TMPRSS11D: variants seen among roughly 807,000 people sequenced by gnomAD.
TMPRSS11D encodes transmembrane protease serine 11D.
Under a neutral mutation model 44.4 loss-of-function variants are expected in TMPRSS11D, and 32 were observed. The observed-to-expected ratio is 0.72, with a 90% CI of 0.54 to 0.97. The LOEUF (loss-of-function observed/expected upper bound fraction) is 0.97. Among genes scored for constraint, TMPRSS11D ranks in the 50% least tolerant of loss-of-function variants. The pLI is 0.00. For synonymous variants in TMPRSS11D, 179 were observed against 177.9 expected, an observed-to-expected ratio of 1.01 and a Z score of -0.05; for missense variants, 446 against 502.6, an observed-to-expected ratio of 0.89 and a Z score of 1.08.
intron 1 of TMPRSS11D, among the ~76,000 whole-genome samples, chr4:67,875,533 G>A (rs183322624): frequency 2.0e-5 from 3 of 152,272 alleles, no homozygotes; most frequent in East Asian, 3.9e-4. Context: ...CTGTCTGCTC[G>A]TATATTTATT....
chr4:67,853,103 G>C (rs1244763541), intron 3 of TMPRSS11D, among the ~76,000 whole-genome samples: 1 of 152,168 alleles, frequency 6.6e-6, no homozygotes, highest in Non-Finnish European at 1.5e-5. Flanking sequence ...CCAAAGCATA[G>C]ACATGAGAAG....
At chr4:67,870,895 T>TAA (rs1719046650) in intron 1 of TMPRSS11D, among the ~76,000 whole-genome samples, 1 of 152,164 alleles carries the variant, frequency 6.6e-6, no homozygotes, top group Non-Finnish European at 1.5e-5. Context: ...CTTATAACTT[T>TAA]CTAATATACC....
chr4:67,868,792 C>T (rs1159502590), intron 1 of TMPRSS11D, among the ~76,000 whole-genome samples: 1 of 152,088 alleles, frequency 6.6e-6, no homozygotes, highest in Non-Finnish European at 1.5e-5. Flanking sequence ...TCTGGTGGCC[C>T]AGTTGGGCTG....
In TMPRSS11D at chr4:67,827,346, A is replaced by G. The variant is rs1316059915; in HGVS notation, c.867T>C (p.His289=). 1 of 1,613,356 alleles carries G rather than the reference A, an allele frequency of 6.2e-7. No homozygotes were observed. Among genetic ancestry groups the G allele is most frequent in the South Asian group, 1.1e-5 (1 of 91,066 alleles). The stretch of plus-strand genomic sequence containing the variant: ...GGGTAGCAGCTGGGAGACACACACT[A>G]TGGATATCTTTGGTAAAGGTGACAC... ...ENSVTFTKDI[H]SVCLPAATQN... The change falls in exon 8 of 10, where the codon CAT becomes CAC. Residue 289 remains histidine, a synonymous_variant. Coordinates refer to ENST00000283916, the MANE Select transcript of TMPRSS11D (RefSeq NM_004262.3).
chr4:67,841,503 A>T (rs1184364214), intron 4 of TMPRSS11D, among the ~76,000 whole-genome samples: 3 of 152,148 alleles, frequency 2.0e-5, no homozygotes, highest in African/African-American at 7.2e-5. Context: ...TGTTATCTGG[A>T]TGTCATTGTT....
At chr4:67,858,176 C>T (rs547215345) in intron 2 of TMPRSS11D, among the ~76,000 whole-genome samples, 4 of 152,090 alleles carry the variant, frequency 2.6e-5, no homozygotes, top group Non-Finnish European at 5.9e-5. Context: ...TTTGATCGTT[C>T]ATATGCATTA....
intron 1 of TMPRSS11D, among the ~76,000 whole-genome samples, chr4:67,882,353 AT>A (rs1719340038): frequency 6.6e-6 from 1 of 152,196 alleles, no homozygotes; most frequent in African/African-American, 2.4e-5. Context: ...TTAGTAGTAG[AT>A]ACAGGCTATT....
intron 1 of TMPRSS11D, among the ~76,000 whole-genome samples, chr4:67,868,095 A>AATATATATATATATAT (rs923681603): frequency 0.02 from 2,972 of 150,726 alleles, 99 homozygotes; most frequent in African/African-American, 0.068. Context: ...TAGATAGAGA[A>AATATATATATATATAT]ATATATATAT....
intron 5 of TMPRSS11D, 141 bp from the exon 6 acceptor site, chr4:67,835,262 C>T: frequency 1.5e-6 from 1 of 681,122 alleles, no homozygotes; most frequent in Admixed American, 2.7e-5. Flanking sequence ...AATGCAGATT[C>T]CTAGGCTTCC....
chr4:67,825,896 A>G (rs1421786435), intron 8 of TMPRSS11D, 22 bp from the exon 9 acceptor site: 2 of 1,598,800 alleles, frequency 1.3e-6, no homozygotes, highest in Admixed American at 3.4e-5. Context: ...AAAAGCAGGA[A>G]AAAAATGGAC....
intron 9 of TMPRSS11D, among the ~76,000 whole-genome samples, chr4:67,822,948 A>T (rs1717688884): frequency 6.6e-6 from 1 of 151,970 alleles, no homozygotes; most frequent in Non-Finnish European, 1.5e-5. Flanking sequence ...ACTTAATCCC[A>T]CTGGTCAGTT....
intron 1 of TMPRSS11D, among the ~76,000 whole-genome samples, chr4:67,865,246 A>AC (rs1194246153): frequency 6.6e-6 from 1 of 151,788 alleles, no homozygotes; most frequent in Non-Finnish European, 1.5e-5. Context: ...TGAAAAAAAA[A>AC]CCCAACATGC....
chr4:67,846,319 T>C (rs1198408466), intron 3 of TMPRSS11D, among the ~76,000 whole-genome samples: 1 of 152,072 alleles, frequency 6.6e-6, no homozygotes, highest in Non-Finnish European at 1.5e-5. Flanking sequence ...CATTATAATA[T>C]ATTTATGAAA....
Position 67,829,481 on chromosome 4 carries a change from AG to A in TMPRSS11D, c.693-1962del, listed in dbSNP as rs1322721315. On this transcript the variant is annotated intron_variant, in intron 7 of 9. Transcript: ENST00000283916. ...AAAAAGGACATTACCTTTATGACCT[AG>A]GAATGGGGACTTTTTGGCTAAACAA... is the stretch of plus-strand genomic sequence containing the variant. Among the ~76,000 whole-genome samples, 10 of 151,694 alleles carry A rather than the reference AG, an allele frequency of 6.6e-5. No homozygotes were observed. The East Asian group carries it at 1.9e-3, about 29-fold the overall frequency.
At chr4:67,842,689 C>T in intron 3 of TMPRSS11D, 64 bp from the exon 4 acceptor site, 1 of 1,429,978 alleles carries the variant, frequency 7.0e-7, no homozygotes, top group South Asian at 1.2e-5. Flanking sequence ...TTCCTCTCAA[C>T]CTTGCAACAT....
At chr4:67,860,258 G>C (rs1420486612) in intron 1 of TMPRSS11D, 1 of 152,422 alleles carries the variant, frequency 6.6e-6, no homozygotes, top group East Asian at 1.9e-4. Context: ...AAATGAAACA[G>C]AACTGCTCCA....
In TMPRSS11D at chr4:67,883,621, C is replaced by T. The variant is rs145306402; in HGVS notation, c.8+305G>A. On this transcript the variant is annotated intron_variant, in intron 1 of 9. Coordinates refer to ENST00000283916, the MANE Select transcript of TMPRSS11D (RefSeq NM_004262.3). ...GATTGCAATTTTAAAATCCACACAC[C>T]ACTTTTCGAAATGTTGCACATGAGA... 1.9e-3 allele frequency among the ~76,000 whole-genome samples: 289 copies of T among 152,070 alleles called. 4 individuals carry two copies. Among genetic ancestry groups the T allele is most frequent in the African/African-American group, 6.7e-3 (278 of 41,530 alleles).
chr4:67,879,398 A>G (rs1314884999), intron 1 of TMPRSS11D, among the ~76,000 whole-genome samples: 1 of 149,768 alleles, frequency 6.7e-6, no homozygotes, highest in African/African-American at 2.5e-5. Flanking sequence ...GGAGAATGGC[A>G]TGAACCCGGG....
chr4:67,853,039 G>T (rs1320799161), intron 3 of TMPRSS11D, among the ~76,000 whole-genome samples: 1 of 152,180 alleles, frequency 6.6e-6, no homozygotes, highest in Non-Finnish European at 1.5e-5. Context: ...ATAAAAGATG[G>T]CTTTTCAGGT....
Sources: allele counts gnomAD v4.1 joint callset (sites outside exome capture counted in the v4.1 genomes callset), GRCh38; gene constraint gnomAD v4.1.1; transcripts MANE v1.5; gene names NCBI Gene and HGNC (gene_info 2026-07-23, HGNC 2026-07-21).